The following SMOC2 variants were observed in gnomAD, a reference collection of about 807,000 sequenced individuals.
SMOC2 encodes the protein SPARC related modular calcium binding 2, also known as SPARC-related modular calcium-binding protein 2.
Under a neutral mutation model 61.4 loss-of-function variants are expected in SMOC2, and 39 were observed. That is an observed-to-expected ratio of 0.64 (90% CI 0.49 to 0.83). The LOEUF is 0.83. SMOC2 is among the 40% of genes least tolerant of loss of function. The probability of loss-of-function intolerance (pLI) is 0.00; values close to 1 mark genes in which losing one functional copy is unlikely to be tolerated. For synonymous variants in SMOC2, 247 were observed against 239.9 expected, an observed-to-expected ratio of 1.03 and a Z score of -0.27; for missense variants, 556 against 592.9, an observed-to-expected ratio of 0.94 and a Z score of 0.65.
chr6:168,598,774 C>G (rs375564746), intron 7 of SMOC2, 44 bp from the exon 8 acceptor site: 2 of 1,602,406 alleles, frequency 1.2e-6, no homozygotes, highest in South Asian at 1.1e-5. Flanking sequence ...TGTGGGACGA[C>G]GTCGCTGGAT....
In SMOC2 at chr6:168,599,785, A is replaced by G. The variant is rs538518540; in HGVS notation, c.824+781A>G. 2.0e-3 allele frequency among the ~76,000 whole-genome samples: 77 copies of G among 39,150 alleles called. 1 individual carries two copies. The South Asian group carries it at 0.024, about 12-fold the overall frequency. 25.7% of individuals were successfully genotyped at this position (39,150 alleles called of 152,430 possible). A position where few individuals can be genotyped will look rare whatever the true frequency, so the allele number is the denominator to read the frequency against. On this transcript the variant is annotated intron_variant, in intron 8 of 12. Transcript: ENST00000356284. ...TCCCCCAAACACCCCCCCACACACA[A>G]ACATACCCACAGTCACACATTCACC...
chr6:168,482,824 G>C (rs1277678741), intron 1 of SMOC2, among the ~76,000 whole-genome samples: 21 of 151,998 alleles, frequency 1.4e-4, no homozygotes. Context: ...ATTAGATGAA[G>C]AAAGCTTTTG....
chr6:168,524,672 G>A (rs556632317), intron 2 of SMOC2, among the ~76,000 whole-genome samples: 1 of 152,392 alleles, frequency 6.6e-6, no homozygotes, highest in Non-Finnish European at 1.5e-5. Context: ...CAGAAGTCCA[G>A]CAAAGCAGTG....
chr6:168,642,488 A>G (rs887572331), intron 9 of SMOC2, among the ~76,000 whole-genome samples: 10 of 152,128 alleles, frequency 6.6e-5, no homozygotes, highest in African/African-American at 2.4e-4. Flanking sequence ...ATTCCACACA[A>G]CTGATGTACT....
chr6:168,635,426 T>TG (rs1178984065), intron 9 of SMOC2, among the ~76,000 whole-genome samples: 4 of 151,958 alleles, frequency 2.6e-5, no homozygotes, highest in Admixed American at 2.6e-4. Flanking sequence ...TGGCCCCGCG[T>TG]GGGGCCACTG....
In SMOC2 at chr6:168,666,296, C is replaced by T. The variant is rs560946624; in HGVS notation, c.1324-125C>T. 19 of 936,796 alleles carry T rather than the reference C, an allele frequency of 2.0e-5. No individual in the cohort carries two copies. In the East Asian group the frequency reaches 4.8e-4, roughly 24 times the overall value. The allele number at this position is 936,796 out of a possible 1,614,324, so 58.0% of individuals were successfully genotyped here. ...CTTCATTGTTTCTTACTCATACTTACACCTCACATGACCTGCCCAGCCCTC... is the reference window on the plus strand; with the variant it reads ...CTTCATTGTTTCTTACTCATACTTATACCTCACATGACCTGCCCAGCCCTC... On this transcript the variant is annotated intron_variant, in intron 12 of 12. Coordinates refer to ENST00000356284, the MANE Select transcript of SMOC2 (RefSeq NM_001166412.2).
chr6:168,582,204 C>T (rs1489109415), intron 7 of SMOC2, among the ~76,000 whole-genome samples: 3 of 152,206 alleles, frequency 2.0e-5, no homozygotes, highest in Non-Finnish European at 4.4e-5. Flanking sequence ...CACAGCTCTG[C>T]AGTCTCAGGC....
intron 11 of SMOC2, among the ~76,000 whole-genome samples, chr6:168,656,527 A>G (rs1184224997): frequency 7.2e-6 from 1 of 138,018 alleles, no homozygotes; most frequent in Non-Finnish European, 1.6e-5. Flanking sequence ...AAAAAAAAAA[A>G]AAAGAAAAGA....
chr6:168,461,272 TC>T (rs1403574341), intron 1 of SMOC2, among the ~76,000 whole-genome samples: 2 of 152,122 alleles, frequency 1.3e-5, no homozygotes, highest in Non-Finnish European at 2.9e-5. Context: ...CATGATTCAA[TC>T]ATCTCCCACC....
intron 1 of SMOC2, among the ~76,000 whole-genome samples, chr6:168,491,781 T>C (rs1782475199): frequency 1.3e-5 from 2 of 152,180 alleles, no homozygotes; most frequent in South Asian, 4.1e-4. Context: ...AGATTGCTTG[T>C]TGGCCGTATT....
intron 2 of SMOC2, among the ~76,000 whole-genome samples, chr6:168,514,269 TGTGTCTCGTTCCACACACTGAATGA>T (rs929703082): frequency 4.6e-5 from 7 of 150,874 alleles, no homozygotes; most frequent in African/African-American, 1.7e-4. Context: ...CCAAGAACAG[TGTGTCTCGTTCCACACACTGAATGA>T]GTGTCTCCTT....
chr6:168,540,056 A>G (rs1783843789), intron 4 of SMOC2, among the ~76,000 whole-genome samples: 1 of 152,254 alleles, frequency 6.6e-6, no homozygotes, highest in Non-Finnish European at 1.5e-5. Flanking sequence ...AGTAAGAGCT[A>G]TATAGACATC....
At chr6:168,644,101 G>A (rs1218454447) in intron 9 of SMOC2, among the ~76,000 whole-genome samples, 2 of 152,244 alleles carry the variant, frequency 1.3e-5, no homozygotes, top group African/African-American at 4.8e-5. Flanking sequence ...TGGGGATGGA[G>A]CATTGAGATT....
rs1191864533 is a variant in SMOC2, at chr6:168,476,466, C to CTGTG, written c.85-33437_85-33434dup. The stretch of plus-strand genomic sequence containing the variant: ...ACTGAGCAGTTGGCAATCTTTTATC[C>CTGTG]TGTGTGTGTGTGTGTATGTGTGTGT... On this transcript the variant is annotated intron_variant, in intron 1 of 12. Coordinates refer to ENST00000356284, the MANE Select transcript of SMOC2 (RefSeq NM_001166412.2). 3.9e-4 allele frequency among the ~76,000 whole-genome samples: 55 copies of CTGTG among 139,872 alleles called. 1 individual carries two copies. The highest frequency in any genetic ancestry group is 1.6e-3 in the African/African-American group (52 of 33,356). 91.8% of individuals were successfully genotyped at this position (139,872 alleles called of 152,430 possible). A position where few individuals can be genotyped will look rare whatever the true frequency, so the allele number is the denominator to read the frequency against.
intron 7 of SMOC2, among the ~76,000 whole-genome samples, chr6:168,567,606 C>T (rs1267015420): frequency 2.0e-5 from 3 of 152,018 alleles, no homozygotes; most frequent in Admixed American, 1.3e-4. Flanking sequence ...TATCTTGTAA[C>T]ATTTTTAGTC....
At chr6:168,644,281 C>T (rs1786968346) in intron 9 of SMOC2, among the ~76,000 whole-genome samples, 1 of 152,188 alleles carries the variant, frequency 6.6e-6, no homozygotes, top group Non-Finnish European at 1.5e-5. Flanking sequence ...GCCTTTTCTT[C>T]AGCGGGGCTG....
intron 9 of SMOC2, among the ~76,000 whole-genome samples, chr6:168,628,687 T>A (rs1786484346): frequency 6.6e-6 from 1 of 152,252 alleles, no homozygotes; most frequent in Non-Finnish European, 1.5e-5. Context: ...CTGGAGGACC[T>A]GCTGCAAGAT....
At chr6:168,496,611 A>G (rs1353592792) in intron 1 of SMOC2, among the ~76,000 whole-genome samples, 3 of 152,110 alleles carry the variant, frequency 2.0e-5, no homozygotes, top group East Asian at 3.9e-4. Flanking sequence ...TTCTTCTGAG[A>G]GGTTTCTTCC....
chr6:168,511,051 C>A (rs2763230), intron 2 of SMOC2, among the ~76,000 whole-genome samples: 136,321 of 152,184 alleles, frequency 0.9, 61,970 homozygotes, highest in East Asian at 1. Flanking sequence ...ATTGGCATTG[C>A]GATCAAGTAG....
Sources: allele counts gnomAD v4.1 joint callset (sites outside exome capture counted in the v4.1 genomes callset), GRCh38; gene constraint gnomAD v4.1.1; transcripts MANE v1.5; gene names NCBI Gene and HGNC (gene_info 2026-07-23, HGNC 2026-07-21).